Variants in JAK1 observed in about 807,000 individuals in gnomAD.
JAK1 encodes tyrosine-protein kinase JAK1.
A neutral mutation model predicts 136.6 loss-of-function variants in JAK1; 16 were observed. That is an observed-to-expected ratio of 0.12 (90% confidence interval 0.08 to 0.18). JAK1 has a LOEUF of 0.18. JAK1 is among the 10% of genes least tolerant of loss of function. The probability of loss-of-function intolerance (pLI) is 1.00; values close to 1 mark genes in which losing one functional copy is unlikely to be tolerated. For synonymous variants in JAK1, 492 were observed against 519.5 expected, an observed-to-expected ratio of 0.95 and a Z score of 0.72; for missense variants, 859 against 1,450.1, an observed-to-expected ratio of 0.59 and a Z score of 6.62.
At chr1:64,918,116 T>TGG (rs1009593003) in intron 1 of JAK1, among the ~76,000 whole-genome samples, 6 of 152,054 alleles carry the variant, frequency 3.9e-5, no homozygotes, top group African/African-American at 1.4e-4. Context: ...AATACCAAAG[T>TGG]GGGGGTGACT....
At chr1:64,922,257 G>A (rs989774719) in intron 1 of JAK1, among the ~76,000 whole-genome samples, 1 of 150,414 alleles carries the variant, frequency 6.6e-6, no homozygotes, top group Non-Finnish European at 1.5e-5. Context: ...TAAAAACAAG[G>A]GTTTTTTTGC....
At chr1:65,032,090 C>A (rs554666538) in intron 2 of JAK1, among the ~76,000 whole-genome samples, 42 of 151,998 alleles carry the variant, frequency 2.8e-4, no homozygotes, top group African/African-American at 1.0e-3. Context: ...CTCAGTTTCC[C>A]AAGTCGCTGG....
chr1:65,057,846 C>T (rs1289433299), intron 1 of JAK1: 2 of 154,700 alleles, frequency 1.3e-5, no homozygotes. Context: ...ATAACATAGG[C>T]ATTCAGTAAA....
At chr1:64,987,792 C>T (rs1332311653) in intron 2 of JAK1, 1 of 152,176 alleles carries the variant, frequency 6.6e-6, no homozygotes, top group Non-Finnish European at 1.5e-5. Flanking sequence ...AACAATGATG[C>T]AAGACCTAAA....
At chr1:65,012,237 C>T (rs763667786) in intron 2 of JAK1, among the ~76,000 whole-genome samples, 117 of 152,114 alleles carry the variant, frequency 7.7e-4, no homozygotes, top group Non-Finnish European at 1.5e-3. Flanking sequence ...CCTGAGTCAT[C>T]TGAGGTCTGA....
chr1:64,933,292 T>C (rs1224078920), intron 1 of JAK1, among the ~76,000 whole-genome samples: 2 of 152,150 alleles, frequency 1.3e-5, no homozygotes, highest in African/African-American at 2.4e-5. Context: ...GTTTTGAACT[T>C]CTAAGCTATT....
At position 64,938,666 on chromosome 1, in the gene JAK1, A is replaced by AG. The variant is rs555632691; in HGVS notation, c.-78+27666dup. ...AACAGTATTCACTGTAAATCAAACT[A>AG]GTAAGTAAACTCGTTCTCCAACACC... On this transcript the variant is annotated intron_variant, in intron 1 of 24. Transcript: ENST00000342505. 2.8e-3 allele frequency among the ~76,000 whole-genome samples: 425 copies of AG among 152,376 alleles called. 3 individuals are homozygous for AG. Among genetic ancestry groups the AG allele is most frequent in the African/African-American group, 9.1e-3 (380 of 41,580 alleles).
intron 1 of JAK1, among the ~76,000 whole-genome samples, chr1:64,955,325 T>C (rs11588590): frequency 0.064 from 9,705 of 152,160 alleles, 417 homozygotes; most frequent in Admixed American, 0.14. Context: ...GGGGACTATG[T>C]GTATACACAC....
At chr1:64,897,587 G>A (rs1419613332) in intron 1 of JAK1, among the ~76,000 whole-genome samples, 3 of 117,786 alleles carry the variant, frequency 2.5e-5, no homozygotes, top group African/African-American at 1.0e-4. Context: ...GGAGGAGGAG[G>A]AGGAAAGCCG....
chr1:64,960,308 C>T (rs1436601582), intron 1 of JAK1, among the ~76,000 whole-genome samples: 1 of 152,216 alleles, frequency 6.6e-6, no homozygotes, highest in African/African-American at 2.4e-5. Flanking sequence ...CATAGTCATT[C>T]AACCCTCAAA....
At chr1:65,038,954 G>T (rs925623226) in intron 2 of JAK1, among the ~76,000 whole-genome samples, 1 of 151,748 alleles carries the variant, frequency 6.6e-6, no homozygotes, top group African/African-American at 2.4e-5. Context: ...GTGTGTGTGT[G>T]TGTGTGTGTT....
chr1:64,850,653 T>C (rs1369324449), intron 12 of JAK1, 151 bp downstream of exon 12: 2 of 640,124 alleles, frequency 3.1e-6, no homozygotes, highest in African/African-American at 1.8e-5. Flanking sequence ...GAGGCAATGG[T>C]TGTACGGCTT....
intron 1 of JAK1, among the ~76,000 whole-genome samples, chr1:65,062,839 T>C (rs1647851251): frequency 6.6e-6 from 1 of 152,228 alleles, no homozygotes; most frequent in Non-Finnish European, 1.5e-5. Context: ...CTTGATTGAT[T>C]GATTAATTGA....
At position 64,883,459 on chromosome 1, in the gene JAK1, T is replaced by C; in HGVS notation, c.23A>G (p.Glu8Gly). ...ACAGAAAGCCATGGCATTGCAGTCC[T>C]CTTTTATATTTAGATACTGTTGTGG... MQYLNIK[E>G]DCNAMAFCAK... Residue 8 changes from glutamate (E) to glycine (G), a missense_variant, in exon 3 of 25, where the codon GAG becomes GGG. By Grantham distance (98) the Glu-to-Gly change is moderately conservative. Coordinates refer to ENST00000342505, the MANE Select transcript of JAK1 (RefSeq NM_002227.4). 1 of 1,613,934 alleles carries C rather than the reference T, an allele frequency of 6.2e-7. No individual in the cohort carries two copies. The highest frequency in any genetic ancestry group is 8.5e-7 in the Non-Finnish European group (1 of 1,179,822).
chr1:65,043,888 AT>A (rs528844820), intron 2 of JAK1, among the ~76,000 whole-genome samples: 2 of 151,776 alleles, frequency 1.3e-5, no homozygotes, highest in South Asian at 4.2e-4. Context: ...CACCTGGCTA[AT>A]TTTTGTATTT....
intron 1 of JAK1, among the ~76,000 whole-genome samples, chr1:64,943,375 G>T (rs1282748528): frequency 6.6e-6 from 1 of 152,128 alleles, no homozygotes; most frequent in Non-Finnish European, 1.5e-5. Context: ...ACAGTCCAGG[G>T]ATAGGACCTT....
rs146614634 is a variant in JAK1, at chr1:65,048,052, G to A, written c.-180-3470C>T. Reference sequence around the variant, plus strand: ...ACTTCTGAATTATTAAATAGGTGACGTATATTCAAAGAAAAAAACCAAACA... The same window carrying A: ...ACTTCTGAATTATTAAATAGGTGACATATATTCAAAGAAAAAAACCAAACA... On this transcript the variant is annotated intron_variant, in intron 1 of 25. Transcript: ENST00000671954. Among the ~76,000 whole-genome samples the A allele has an allele frequency of 2.4e-3, 365 of 152,248 alleles. 4 individuals carry two copies. The highest frequency in any genetic ancestry group is 8.5e-3 in the African/African-American group (353 of 41,538).
At chr1:64,947,021 T>G (rs781081598) in intron 1 of JAK1, among the ~76,000 whole-genome samples, 1 of 152,062 alleles carries the variant, frequency 6.6e-6, no homozygotes, top group African/African-American at 2.4e-5. Flanking sequence ...AATCCATAGA[T>G]AGAAAAAGTA....
At chr1:64,928,778 C>CAAAAAAAAAAAAAAAAAAAAAAAA (rs1183218798) in intron 1 of JAK1, among the ~76,000 whole-genome samples, 79 of 61,132 alleles carry the variant, frequency 1.3e-3, no homozygotes, top group Non-Finnish European at 1.8e-3. Context: ...TAAAACTCTG[C>CAAAAAAAAAAAAAAAAAAAAAAAA]AAAAAAAAAA....
Sources: gnomAD v4.1 joint callset for allele counts (sites outside exome capture counted in the v4.1 genomes callset) on GRCh38, gnomAD v4.1.1 for gene constraint, MANE v1.5 for transcripts, NCBI Gene and HGNC (gene_info 2026-07-23, HGNC 2026-07-21) for gene names.